AKT2: variants seen among roughly 807,000 people sequenced by gnomAD.
The protein encoded by AKT2 is RAC-beta serine/threonine-protein kinase.
A neutral mutation model predicts 58.6 loss-of-function variants in AKT2; 16 were observed. The ratio of observed to expected loss-of-function variants is 0.27; its 90% CI spans 0.18 to 0.41. The LOEUF is 0.41. Among genes scored for constraint, AKT2 ranks in the 10% least tolerant of loss-of-function variants. The pLI is 1.00. For synonymous variants in AKT2, 253 were observed against 254.0 expected, an observed-to-expected ratio of 1.00 and a Z score of 0.04; for missense variants, 438 against 661.0, an observed-to-expected ratio of 0.66 and a Z score of 3.70.
chr19:40,236,871 ATG>A, intron 9 of AKT2: 1 of 190,306 alleles, frequency 5.3e-6, no homozygotes, highest in South Asian at 9.5e-5. Context: ...ATTTCTTAAT[ATG>A]AAAAAAAAAA....
At chr19:40,269,133 A>T (rs1452553099) in intron 1 of AKT2, 1 of 152,366 alleles carries the variant, frequency 6.6e-6, no homozygotes, top group Non-Finnish European at 1.5e-5. Flanking sequence ...AGATGGCCTG[A>T]TCACTCGGGG....
rs375093935 is a variant in AKT2 at position 40,267,191 on chromosome 19, C to G, written c.-84-1840G>C. On this transcript the variant is annotated intron_variant, in intron 1 of 13. Transcript: ENST00000392038. ...ACGCTGAACCTGTCTTTCTCCTGCT[C>G]AGAACCTTTGTGGCTCCCTGGTGTT... 7.2e-5 allele frequency among the ~76,000 whole-genome samples: 11 copies of G among 152,266 alleles called. No individual in the cohort carries two copies. The East Asian group carries it at 1.9e-3, about 27-fold the overall frequency.
chr19:40,241,038 T>G (rs945731779), intron 6 of AKT2: 1 of 152,418 alleles, frequency 6.6e-6, no homozygotes, highest in African/African-American at 2.4e-5. Flanking sequence ...TCCTCCCACC[T>G]CAGCCTTCTA....
chr19:40,233,468 G>A lies in AKT2; in HGVS notation c.*404C>T, dbSNP rs562068988. 6.3e-5 allele frequency: 34 copies of A among 535,806 alleles called. No homozygotes were observed. Among genetic ancestry groups the A allele is most frequent in the Non-Finnish European group, 1.1e-4 (30 of 277,686 alleles). 33.2% of individuals were successfully genotyped at this position (535,806 alleles called of 1,614,324 possible). On this transcript the variant is annotated 3_prime_UTR_variant, in exon 14 of 14. Transcript: ENST00000392038. The surrounding 1 kb of genome is among the most constrained non-coding windows in gnomAD (Gnocchi z 4.3). Reference sequence around the variant, plus strand: ...AGCACCACTGTCTGCCGGGTGTCGCGTCCCACCAGAAGGCAGCCTTCGTCC... The same window carrying A: ...AGCACCACTGTCTGCCGGGTGTCGCATCCCACCAGAAGGCAGCCTTCGTCC...
intron 4 of AKT2, among the ~76,000 whole-genome samples, chr19:40,252,751 T>C (rs1255935896): frequency 6.6e-6 from 1 of 152,178 alleles, no homozygotes; most frequent in Non-Finnish European, 1.5e-5. Context: ...CTCCAGGTCT[T>C]TGCATATGCT....
At chr19:40,270,437 A>G (rs1187733359) in intron 1 of AKT2, 1 of 152,280 alleles carries the variant, frequency 6.6e-6, no homozygotes, top group Non-Finnish European at 1.5e-5. Context: ...GGCTCAAAAT[A>G]AGCTCAATTC....
Position 40,233,904 on chromosome 19 carries a change from G to C in AKT2, c.1414C>G (p.Gln472Glu). 6.2e-7 allele frequency: 1 copy of C among 1,611,916 alleles called. No homozygotes were observed. Among genetic ancestry groups the C allele is most frequent in the East Asian group, 2.2e-5 (1 of 44,884 alleles). Reference sequence around the variant, plus strand: ...CGGATGCTGGCCGAGTAGGAGAACTGGGGGAAGTGGGTCCGCTGGTCCAGC... The same window carrying C: ...CGGATGCTGGCCGAGTAGGAGAACTCGGGGAAGTGGGTCCGCTGGTCCAGC... The part of the protein sequence containing the change: ...LELDQRTHFP[Q>E]FSYSASIRE The change falls in exon 14 of 14, where the codon CAG becomes GAG. Residue 472 changes from glutamine to glutamate, a missense_variant. Gln to Glu is a conservative substitution (Grantham distance 29, BLOSUM62 2). Coordinates refer to ENST00000392038, the MANE Select transcript of AKT2 (RefSeq NM_001626.6). This position sits in a 1 kb window ranked among gnomAD's most constrained non-coding sequence, Gnocchi z 4.3.
At position 40,234,717 on chromosome 19, in the gene AKT2, C is replaced by A. The variant is rs912989075; in HGVS notation, c.1366+328G>T. 5.0e-6 allele frequency: 3 copies of A among 601,182 alleles called. No individual in the cohort carries two copies. The highest frequency in any genetic ancestry group is 8.9e-6 in the Non-Finnish European group (3 of 338,542). 37.2% of individuals were successfully genotyped at this position (601,182 alleles called of 1,614,324 possible). A position where few individuals can be genotyped will look rare whatever the true frequency, so the allele number is the denominator to read the frequency against. ...AGGGCTGGCTCAATCAGTGCTGTGTCCCCAGCATAGCCCAGCCCTGGGCTG... is the reference window on the plus strand; with the variant it reads ...AGGGCTGGCTCAATCAGTGCTGTGTACCCAGCATAGCCCAGCCCTGGGCTG... On this transcript the variant is annotated intron_variant, in intron 13 of 13. Transcript: ENST00000392038. The surrounding 1 kb of genome is among the most constrained non-coding windows in gnomAD (Gnocchi z 4.7).
intron 2 of AKT2, among the ~76,000 whole-genome samples, chr19:40,262,367 G>C (rs543603113): frequency 6.6e-6 from 1 of 152,310 alleles, no homozygotes; most frequent in African/African-American, 2.4e-5. Flanking sequence ...CTTCCCAGCT[G>C]TTACCTGGGA....
chr19:40,282,327 G>A (rs1333651547), intron 1 of AKT2: 6 of 379,992 alleles, frequency 1.6e-5, no homozygotes, highest in Non-Finnish European at 3.1e-5. Context: ...GAACAGTGTG[G>A]TCCAAGGTCG....
chr19:40,248,718 TGGA>T (rs1022592079), intron 4 of AKT2, among the ~76,000 whole-genome samples: 1 of 149,460 alleles, frequency 6.7e-6, no homozygotes, highest in Non-Finnish European at 1.5e-5. Flanking sequence ...CAGAGAGGAG[TGGA>T]GGAGATGAGG....
In AKT2 at chr19:40,235,933, T is replaced by C. The variant is rs765549797; in HGVS notation, c.1132A>G (p.Lys378Glu). 6 of 1,613,570 alleles carry C rather than the reference T, an allele frequency of 3.7e-6. No homozygotes were observed. The highest frequency in any genetic ancestry group is 4.2e-6 in the Non-Finnish European group (5 of 1,180,024). ...RFPRTLSPEAKSLLAGLLKKD... is the reference protein window; with the variant it reads ...RFPRTLSPEAESLLAGLLKKD... ...TTAAGCAGCCCAGCAAGCAGGGACT[T>C]GGCCTCGGGGCTGAGCGTGCGCGGG... The change falls in exon 11 of 14, where the codon AAG becomes GAG. Residue 378 changes from lysine (K) to glutamate (E), a missense_variant. This residue lies in a region of AKT2 where 148 missense variants were observed against 199.5 expected (regional missense o/e 0.74). Transcript: ENST00000392038. The surrounding 1 kb of genome is among the most constrained non-coding windows in gnomAD (Gnocchi z 6.3).
chr19:40,258,332 T>C (rs1317482783), intron 2 of AKT2, among the ~76,000 whole-genome samples: 4 of 149,958 alleles, frequency 2.7e-5, no homozygotes, highest in Admixed American at 6.6e-5. Flanking sequence ...CTGAACTGTA[T>C]GCTTTAAATG....
rs1295008103 is a variant in AKT2 at position 40,231,077 on chromosome 19, A to G, written c.*2795T>C. On this transcript the variant is annotated 3_prime_UTR_variant, in exon 14 of 14. Coordinates refer to ENST00000392038, the MANE Select transcript of AKT2 (RefSeq NM_001626.6). The stretch of plus-strand genomic sequence containing the variant: ...TGAAATTTTTAAAATGTACATTGCA[A>G]AAGACGATTATTCTACTCAAAATTT... 4.5e-6 allele frequency: 1 copy of G among 219,998 alleles called. No individual in the cohort carries two copies. The highest frequency in any genetic ancestry group is 9.0e-6 in the Non-Finnish European group (1 of 111,608). The allele number at this position is 219,998 out of a possible 1,614,324, so 13.6% of individuals were successfully genotyped here. A position where few individuals can be genotyped will look rare whatever the true frequency, so the allele number is the denominator to read the frequency against.
Position 40,230,745 on chromosome 19 carries a change from A to C in AKT2, c.*3127T>G, listed in dbSNP as rs1446524392. 1.0e-5 allele frequency: 2 copies of C among 199,404 alleles called. No homozygotes were observed. Among genetic ancestry groups the C allele is most frequent in the African/African-American group, 2.3e-5 (1 of 42,866 alleles). The allele number at this position is 199,404 out of a possible 1,614,324, so 12.4% of individuals were successfully genotyped here. On this transcript the variant is annotated 3_prime_UTR_variant, in exon 14 of 14. Coordinates refer to ENST00000392038, the MANE Select transcript of AKT2 (RefSeq NM_001626.6). ...TTTTTTTTTTTATTTTTAGAGACAC[A>C]GTCTCATTGTCCCAGGCTGCAGTGC...
chr19:40,282,545 G>T (rs753747968), intron 1 of AKT2: 1 of 532,486 alleles, frequency 1.9e-6, no homozygotes, highest in Admixed American at 1.9e-5. Context: ...TGAGGCTCAG[G>T]GGTAAGAGGA....
In AKT2 at chr19:40,231,211, A is replaced by AC. The variant is rs1396021455; in HGVS notation, c.*2660dup. ...CGGGGCCAGCTGCTGCAGCTGTGGG[A>AC]CCCCATCCTGTGGAAGAGGAGAGAG... On this transcript the variant is annotated 3_prime_UTR_variant, in exon 14 of 14. Coordinates refer to ENST00000392038, the MANE Select transcript of AKT2 (RefSeq NM_001626.6). The AC allele has an allele frequency of 1.7e-5, 4 of 232,030 alleles. No individual in the cohort carries two copies. Among genetic ancestry groups the AC allele is most frequent in the African/African-American group, 8.8e-5 (4 of 45,240 alleles). 14.4% of individuals were successfully genotyped at this position (232,030 alleles called of 1,614,324 possible).
rs1973703450 is a variant in AKT2 at position 40,231,580 on chromosome 19, CTCAAAT to C, written c.*2286_*2291del. On this transcript the variant is annotated 3_prime_UTR_variant, in exon 14 of 14. Transcript: ENST00000392038. ...AAGTGCTAACACCTTGCGGCAAAAT[CTCAAAT>C]TCATCTGTGCCAGGCCCTCTGCACA... The C allele has an allele frequency of 2.1e-5, 5 of 233,230 alleles. No homozygotes were observed. In the Admixed American group the frequency reaches 2.8e-4, roughly 13 times the overall value. 14.4% of individuals were successfully genotyped at this position (233,230 alleles called of 1,614,324 possible).
chr19:40,239,954 A>G, intron 7 of AKT2, 91 bp downstream of exon 7: 1 of 1,494,868 alleles, frequency 6.7e-7, no homozygotes, highest in Non-Finnish European at 9.3e-7. Context: ...CTACCCCAAG[A>G]CTGTGCTTTG....
Sources: gnomAD v4.1 joint callset for allele counts (sites outside exome capture counted in the v4.1 genomes callset) on GRCh38, gnomAD v4.1.1 for gene constraint, gnomAD v4.1.1 regional missense constraint, Gnocchi (gnomAD v3.1) non-coding constraint, MANE v1.5 for transcripts, NCBI Gene and HGNC (gene_info 2026-07-23, HGNC 2026-07-21) for gene names.